ACOX1: variants seen among roughly 807,000 people sequenced by gnomAD.
ACOX1 encodes the protein acyl-CoA oxidase 1.
Under a neutral mutation model 75.5 loss-of-function variants are expected in ACOX1, and 41 were observed. That is an observed-to-expected ratio of 0.54 (90% CI 0.42 to 0.70). The LOEUF is 0.70. Among genes scored for constraint, ACOX1 ranks in the 30% least tolerant of loss-of-function variants. The pLI is 0.00. For synonymous variants in ACOX1, 303 were observed against 298.8 expected (o/e 1.01, Z -0.15); for missense variants, 630 against 837.5 (o/e 0.75, Z 3.06).
intron 2 of ACOX1, among the ~76,000 whole-genome samples, chr17:75,965,465 T>A (rs192973135): frequency 2.0e-5 from 3 of 151,772 alleles, no homozygotes; most frequent in Admixed American, 6.6e-5. Flanking sequence ...TAACTTAAAA[T>A]TCCAGATAGA....
Position 75,960,475 on chromosome 17 carries a change from T to A in ACOX1, c.270-100A>T. 1 of 1,239,108 alleles carries A rather than the reference T, an allele frequency of 8.1e-7. No individual in the cohort carries two copies. Among genetic ancestry groups the A allele is most frequent in the South Asian group, 1.3e-5 (1 of 78,174 alleles). 76.8% of individuals were successfully genotyped at this position (1,239,108 alleles called of 1,614,324 possible). On this transcript the variant is annotated intron_variant, in intron 2 of 13. Coordinates refer to ENST00000293217, the MANE Select transcript of ACOX1 (RefSeq NM_004035.7). The surrounding 1 kb of genome is among the most constrained non-coding windows in gnomAD (Gnocchi z 4.4). ...GCAAGGGAAGGAGACAAAAAAACCT[T>A]AAGTATGAATTAGTTGCGTGCACTT... is the stretch of plus-strand genomic sequence containing the variant.
intron 12 of ACOX1, among the ~76,000 whole-genome samples, chr17:75,948,862 CTTTTTTT>C (rs34512190): frequency 8.0e-6 from 1 of 125,254 alleles, no homozygotes; most frequent in African/African-American, 3.0e-5. Context: ...TTTTCTTTTT[CTTTTTTT>C]TTTTTTTTGA....
Position 75,960,282 on chromosome 17 carries a change from C to T in ACOX1, c.363G>A (p.Glu121=), listed in dbSNP as rs761428388. The change falls in exon 3 of 14, where the codon GAG becomes GAA. Residue 121 remains glutamate, a synonymous_variant. Coordinates refer to ENST00000293217, the MANE Select transcript of ACOX1 (RefSeq NM_004035.7). This position sits in a 1 kb window ranked among gnomAD's most constrained non-coding sequence, Gnocchi z 4.4. ...AGTTCCAGGCGGGCATGAAGAAGCGCTCCTGCTGCTCCGCAGTTGCCTGGT... is the reference window on the plus strand; with the variant it reads ...AGTTCCAGGCGGGCATGAAGAAGCGTTCCTGCTGCTCCGCAGTTGCCTGGT... ...LLHQATAEQQ[E]RFFMPAWNLE... is the part of the protein sequence containing the mutation. The T allele has an allele frequency of 2.1e-5, 34 of 1,614,086 alleles. No homozygotes were observed. The highest frequency in any genetic ancestry group is 2.8e-5 in the Non-Finnish European group (33 of 1,180,048).
chr17:75,949,488 C>T lies in ACOX1; in HGVS notation c.1584+7G>A. ...GGGAAGGGGAAAAAGAGAGAACTAC[C>T]ACTGACCTCACTTGCTCGAACAAGG... On this transcript the variant is annotated splice_region_variant and intron_variant, in intron 11 of 13. Coordinates refer to ENST00000293217, the MANE Select transcript of ACOX1 (RefSeq NM_004035.7). The T allele has an allele frequency of 6.2e-7, 1 of 1,613,778 alleles. No homozygotes were observed. The highest frequency in any genetic ancestry group is 8.5e-7 in the Non-Finnish European group (1 of 1,179,704).
intron 13 of ACOX1, among the ~76,000 whole-genome samples, chr17:75,947,303 A>G (rs1347449317): frequency 6.7e-6 from 1 of 148,384 alleles, no homozygotes; most frequent in Admixed American, 6.8e-5. Flanking sequence ...GCTGGAGTGC[A>G]ATGGCATGGT....
At chr17:75,959,540 TCA>T (rs2065869551) in intron 3 of ACOX1, among the ~76,000 whole-genome samples, 1 of 152,032 alleles carries the variant, frequency 6.6e-6, no homozygotes, top group African/African-American at 2.4e-5. Flanking sequence ...CGGACCCAAT[TCA>T]GAGAAGATAC....
rs199644771 is a variant in ACOX1 at position 75,953,569 on chromosome 17, C to T, written c.826G>A (p.Gly276Arg). The T allele has an allele frequency of 1.1e-5, 18 of 1,614,172 alleles. No homozygotes were observed. The highest frequency in any genetic ancestry group is 1.6e-4 in the Middle Eastern group (1 of 6,062). The change falls in exon 7 of 14, where the codon GGG (glycine) becomes AGG (arginine). Residue 276 changes from glycine (G) to arginine (R), a missense_variant. Gly to Arg is a moderately radical substitution (Grantham distance 125, BLOSUM62 -2). Coordinates refer to ENST00000293217, the MANE Select transcript of ACOX1 (RefSeq NM_004035.7). The stretch of plus-strand genomic sequence containing the variant: ...AAGGACCTGACAAACACCATGGTCC[C>T]GTAAGTCAGCTTGTTACTCAGCGGT... ...VKPLSNKLTY[G>R]TMVFVRSFLV... is the part of the protein sequence containing the mutation.
chr17:75,967,070 A>G (rs1180340357), intron 2 of ACOX1, among the ~76,000 whole-genome samples: 1 of 150,930 alleles, frequency 6.6e-6, no homozygotes, highest in African/African-American at 2.4e-5. Flanking sequence ...AAAAAAAAGA[A>G]AAAAGAAGTA....
At chr17:75,967,469 A>C (rs1220142969) in intron 2 of ACOX1, among the ~76,000 whole-genome samples, 2 of 144,866 alleles carry the variant, frequency 1.4e-5, no homozygotes, top group Non-Finnish European at 3.1e-5. Flanking sequence ...ACTATGTCTC[A>C]AAAAAAAAAA....
At chr17:75,958,609 C>T (rs1009022396) in intron 3 of ACOX1, among the ~76,000 whole-genome samples, 7 of 151,570 alleles carry the variant, frequency 4.6e-5, no homozygotes, top group African/African-American at 9.7e-5. Flanking sequence ...GAGATCGAGA[C>T]CATCCTGGTT....
intron 4 of ACOX1, among the ~76,000 whole-genome samples, chr17:75,957,040 C>T (rs188868542): frequency 6.7e-6 from 1 of 148,306 alleles, no homozygotes; most frequent in Non-Finnish European, 1.5e-5. Context: ...TCTATATACA[C>T]ACACACACAC....
chr17:75,946,923 C>T (rs936818645), intron 13 of ACOX1, 128 bp from the exon 14 acceptor site: 1 of 830,324 alleles, frequency 1.2e-6, no homozygotes, highest in Non-Finnish European at 2.0e-6. Flanking sequence ...GGCTGGAGTG[C>T]AGTGGCACAA....
At chr17:75,957,702 A>G (rs2065846610) in intron 3 of ACOX1, 136 bp from the exon 4 acceptor site, 1 of 652,404 alleles carries the variant, frequency 1.5e-6, no homozygotes, top group Non-Finnish European at 2.7e-6. Context: ...CCTGTAGATG[A>G]GCTACAACTG....
chr17:75,968,608 A>AG (rs2065963758), intron 2 of ACOX1, among the ~76,000 whole-genome samples: 1 of 145,462 alleles, frequency 6.9e-6, no homozygotes, highest in East Asian at 2.0e-4. Context: ...TCCGCCTGAA[A>AG]AAAAAAAAAA....
At chr17:75,953,306 G>T in intron 7 of ACOX1, 145 bp downstream of exon 7, 1 of 833,036 alleles carries the variant, frequency 1.2e-6, no homozygotes, top group Non-Finnish European at 2.0e-6. Flanking sequence ...AGGAAGCCTA[G>T]ATATGAAATT....
intron 2 of ACOX1, among the ~76,000 whole-genome samples, chr17:75,962,995 G>C (rs2065899847): frequency 6.6e-6 from 1 of 152,194 alleles, no homozygotes; most frequent in Non-Finnish European, 1.5e-5. Flanking sequence ...GCTGGGCGTG[G>C]TGGTGGGTAC....
chr17:75,953,370 T>C, intron 7 of ACOX1, 81 bp downstream of exon 7: 1 of 1,542,354 alleles, frequency 6.5e-7, no homozygotes, highest in Admixed American at 1.7e-5. Flanking sequence ...ATCTTCTGTA[T>C]TGACATTTGG....
chr17:75,978,786 C>T lies in ACOX1; in HGVS notation c.110-93G>A. ...TCACAATAGGCTTCAGAGTCGCGGACACACCTGGGGAATGGCGATATCCCC... is the reference window on the plus strand; with the variant it reads ...TCACAATAGGCTTCAGAGTCGCGGATACACCTGGGGAATGGCGATATCCCC... On this transcript the variant is annotated intron_variant, in intron 1 of 13. Coordinates refer to ENST00000293217, the MANE Select transcript of ACOX1 (RefSeq NM_004035.7). The surrounding 1 kb of genome is among the most constrained non-coding windows in gnomAD (Gnocchi z 4.2). 6.2e-7 allele frequency: 1 copy of T among 1,608,532 alleles called. No individual in the cohort carries two copies. Among genetic ancestry groups the T allele is most frequent in the Non-Finnish European group, 8.5e-7 (1 of 1,179,676 alleles).
chr17:75,959,731 GT>G (rs1329143840), intron 3 of ACOX1, among the ~76,000 whole-genome samples: 1 of 152,142 alleles, frequency 6.6e-6, no homozygotes, highest in African/African-American at 2.4e-5. Flanking sequence ...TTGACTCAAA[GT>G]ACAAATAACT....
Sources: allele counts gnomAD v4.1 joint callset (sites outside exome capture counted in the v4.1 genomes callset), GRCh38; gene constraint gnomAD v4.1.1; non-coding constraint Gnocchi (gnomAD v3.1); transcripts MANE v1.5; gene names NCBI Gene and HGNC (gene_info 2026-07-23, HGNC 2026-07-21).